Variants in SMARCA2 observed in about 807,000 individuals in gnomAD.
SMARCA2 encodes the protein SWI/SNF-related matrix-associated actin-dependent regulator of chromatin subfamily A member 2.
Under a neutral mutation model 199.8 loss-of-function variants are expected in SMARCA2, and 61 were observed. The ratio of observed to expected loss-of-function variants is 0.31; its 90% confidence interval spans 0.25 to 0.38. The LOEUF is 0.38. Among genes scored for constraint, SMARCA2 ranks in the 10% least tolerant of loss-of-function variants. SMARCA2 has a pLI of 1.00. For synonymous variants in SMARCA2, 935 were observed against 732.0 expected, an observed-to-expected ratio of 1.28 and a Z score of -4.48; for missense variants, 1,344 against 2,012.2, an observed-to-expected ratio of 0.67 and a Z score of 6.35.
At chr9:2,076,612 CT>C (rs1451561174) in intron 13 of SMARCA2, among the ~76,000 whole-genome samples, 1 of 151,954 alleles carries the variant, frequency 6.6e-6, no homozygotes, top group African/African-American at 2.4e-5. Context: ...AGGCTCACTC[CT>C]GAGCCTCACA....
At chr9:2,114,884 T>G (rs1446597686) in intron 24 of SMARCA2, among the ~76,000 whole-genome samples, 1 of 152,182 alleles carries the variant, frequency 6.6e-6, no homozygotes, top group Non-Finnish European at 1.5e-5. Context: ...ATAGATAAAT[T>G]TGCACATGTA....
intron 24 of SMARCA2, among the ~76,000 whole-genome samples, chr9:2,113,580 C>T (rs1277771439): frequency 2.6e-5 from 4 of 152,200 alleles, no homozygotes; most frequent in East Asian, 1.9e-4. Flanking sequence ...GCTCACATTT[C>T]GTTAAACTTC....
At chr9:2,182,313 T>G in intron 31 of SMARCA2, 71 bp downstream of exon 31, 1 of 906,342 alleles carries the variant, frequency 1.1e-6, no homozygotes, top group Non-Finnish European at 1.8e-6. Flanking sequence ...AGTAGAATAT[T>G]TCATTTTCTA....
At chr9:2,135,443 T>G (rs1824150741) in intron 27 of SMARCA2, among the ~76,000 whole-genome samples, 1 of 152,146 alleles carries the variant, frequency 6.6e-6, no homozygotes, top group African/African-American at 2.4e-5. Flanking sequence ...ACACCCAAAA[T>G]TAACCATCAC....
chr9:2,018,880 A>G (rs533741262), intron 1 of SMARCA2, among the ~76,000 whole-genome samples: 24 of 152,314 alleles, frequency 1.6e-4, no homozygotes, highest in Admixed American at 4.6e-4. Flanking sequence ...CCAGCATTGG[A>G]GTTTTAGGCT....
rs1819384794 is a variant in SMARCA2 at position 2,037,481 on chromosome 9, T to C, written c.356-1985T>C. The stretch of plus-strand genomic sequence containing the variant: ...TCAGTTGGTGGAGCAAAACCCATTC[T>C]TGGTTTAGGGGATCACGCTAAATCT... On this transcript the variant is annotated intron_variant, in intron 3 of 33. Transcript: ENST00000349721. 2.0e-5 allele frequency among the ~76,000 whole-genome samples: 3 copies of C among 152,336 alleles called. No individual in the cohort carries two copies. In the South Asian group the frequency reaches 6.2e-4, roughly 32 times the overall value.
rs994305521 is a variant in SMARCA2, at chr9:2,169,983, G to A, written c.4200-436G>A. Among the ~76,000 whole-genome samples the A allele has an allele frequency of 6.6e-6, 1 of 152,142 alleles. No homozygotes were observed. The highest frequency in any genetic ancestry group is 6.5e-5 in the Admixed American group (1 of 15,282). On this transcript the variant is annotated intron_variant, in intron 28 of 33. Transcript: ENST00000349721. The surrounding 1 kb of genome is among the most constrained non-coding windows in gnomAD (Gnocchi z 6.5). The stretch of plus-strand genomic sequence containing the variant: ...TCTTTGTGCAGGCTACTGTAAGAAA[G>A]CACTTTATCCTATTTAATTTTTATA...
At chr9:2,181,540 C>CTTGTTT (rs1554643939) in intron 29 of SMARCA2, 31 bp from the exon 30 acceptor site, 1 of 1,043,480 alleles carries the variant, frequency 9.6e-7, no homozygotes. Flanking sequence ...TTTGATGTGG[C>CTTGTTT]TTGTTTTTGT....
chr9:2,130,414 C>T (rs752255362), intron 27 of SMARCA2, among the ~76,000 whole-genome samples: 8 of 152,138 alleles, frequency 5.3e-5, no homozygotes, highest in East Asian at 1.9e-4. Flanking sequence ...GGCTCTTGAT[C>T]GTAAAGGTGG....
Position 2,086,756 on chromosome 9 carries a change from C to A in SMARCA2, c.2527-73C>A. On this transcript the variant is annotated intron_variant, in intron 17 of 33. Coordinates refer to ENST00000349721, the MANE Select transcript of SMARCA2 (RefSeq NM_003070.5). This position sits in a 1 kb window ranked among gnomAD's most constrained non-coding sequence, Gnocchi z 4.3. ...GGATGGGTTCTTTGGTTTTCCGCAC[C>A]ACCACTTGCTTGTTGGAAATAGTTG... 6.4e-7 allele frequency: 1 copy of A among 1,562,082 alleles called. No individual in the cohort carries two copies. Among genetic ancestry groups the A allele is most frequent in the Non-Finnish European group, 8.7e-7 (1 of 1,144,864 alleles).
chr9:2,039,790 AG>A lies in SMARCA2; in HGVS notation c.681del (p.Gln227HisfsTer43). On this transcript the variant is annotated frameshift_variant, in exon 4 of 34. Transcript: ENST00000349721. LOFTEE classifies it high-confidence loss of function. The surrounding 1 kb of genome is among the most constrained non-coding windows in gnomAD (Gnocchi z 4.8). ...CAGCAGCAGCAACAGCAGCAGCAGC[AG>A]CAGCAGCAGCAGCAGCAGCAGCAGC... ...QQQQQQQQQQ[Q>X]QQQQQQQQQQ... 3.8e-6 allele frequency: 6 copies of A among 1,561,358 alleles called. No homozygotes were observed. Among genetic ancestry groups the A allele is most frequent in the South Asian group, 2.2e-5 (2 of 89,620 alleles).
Position 2,076,232 on chromosome 9 carries a change from G to A in SMARCA2, c.1939G>A (p.Glu647Lys), listed in dbSNP as rs573842744. The change falls in exon 13 of 34, where the codon GAG becomes AAG. Residue 647 changes from glutamate to lysine, a missense_variant. Physicochemically the swap from Glu to Lys is moderately conservative, Grantham distance 56 (BLOSUM62 1). This residue lies in a region of SMARCA2 where 106 missense variants were observed against 179.7 expected (regional missense o/e 0.59). Coordinates refer to ENST00000349721, the MANE Select transcript of SMARCA2 (RefSeq NM_003070.5). ...ESDSDYEEED[E>K]EEESSRQETE... is the part of the protein sequence containing the mutation. ...CCTATCTTTGTTCCTTTTCCAGGAT[G>A]AGGAAGAAGAGTCCAGTAGGCAGGA... is the stretch of plus-strand genomic sequence containing the variant. The A allele has an allele frequency of 1.9e-6, 3 of 1,572,130 alleles. No homozygotes were observed. Among genetic ancestry groups the A allele is most frequent in the Non-Finnish European group, 2.6e-6 (3 of 1,142,786 alleles).
intron 1 of SMARCA2, among the ~76,000 whole-genome samples, chr9:2,022,799 A>C (rs551043795): frequency 6.6e-6 from 1 of 152,214 alleles, no homozygotes; most frequent in Admixed American, 6.5e-5. Flanking sequence ...ATGTGTAAAT[A>C]TACGTGACAT....
At chr9:2,145,335 A>G (rs1824686666) in intron 27 of SMARCA2, among the ~76,000 whole-genome samples, 1 of 151,136 alleles carries the variant, frequency 6.6e-6, no homozygotes, top group Admixed American at 6.6e-5. Flanking sequence ...AAAAAGAGAG[A>G]GAAACCCAAA....
chr9:2,065,091 G>A (rs1306700274), intron 9 of SMARCA2, among the ~76,000 whole-genome samples: 2 of 152,146 alleles, frequency 1.3e-5, no homozygotes, highest in African/African-American at 2.4e-5. Context: ...AGGCTGAGGT[G>A]AGAGAATGGT....
intron 9 of SMARCA2, among the ~76,000 whole-genome samples, chr9:2,065,994 T>C (rs560530468): frequency 4.5e-4 from 68 of 152,332 alleles, no homozygotes; most frequent in African/African-American, 1.6e-3. Context: ...ACCCAAGTAA[T>C]TTGCAAATGC....
Position 2,171,845 on chromosome 9 carries a change from T to C in SMARCA2, c.4253+1373T>C, listed in dbSNP as rs1266417148. 2.6e-5 allele frequency among the ~76,000 whole-genome samples: 4 copies of C among 152,208 alleles called. No individual in the cohort carries two copies. In the East Asian group the frequency reaches 5.8e-4, roughly 22 times the overall value. On this transcript the variant is annotated intron_variant, in intron 29 of 33. Transcript: ENST00000349721. ...GGAGCTCCTTTCCCTCTTTGCCCTC[T>C]TCCATCAAGATGGTCATGTGACCAC...
In SMARCA2 at chr9:2,090,328, T is replaced by C. The variant is rs543094211; in HGVS notation, c.2883+1715T>C. On this transcript the variant is annotated intron_variant, in intron 19 of 33. Coordinates refer to ENST00000349721, the MANE Select transcript of SMARCA2 (RefSeq NM_003070.5). ...TATTTGAGGTATGTAAAATACTCAGTGTGTGGTATTATCTACCTTTAGAGG... is the reference window on the plus strand; with the variant it reads ...TATTTGAGGTATGTAAAATACTCAGCGTGTGGTATTATCTACCTTTAGAGG... Among the ~76,000 whole-genome samples the C allele has an allele frequency of 1.6e-4, 24 of 152,258 alleles. No individual in the cohort carries two copies. In the South Asian group the frequency reaches 4.6e-3, roughly 29 times the overall value.
At chr9:2,151,929 T>G (rs1257185574) in intron 27 of SMARCA2, among the ~76,000 whole-genome samples, 1 of 152,150 alleles carries the variant, frequency 6.6e-6, no homozygotes, top group African/African-American at 2.4e-5. Context: ...CCTGCTTAGT[T>G]TGACTAGTAT....
Sources: gnomAD v4.1 joint callset for allele counts (sites outside exome capture counted in the v4.1 genomes callset) on GRCh38, gnomAD v4.1.1 for gene constraint, gnomAD v4.1.1 regional missense constraint, Gnocchi (gnomAD v3.1) non-coding constraint, MANE v1.5 for transcripts, NCBI Gene and HGNC (gene_info 2026-07-23, HGNC 2026-07-21) for gene names.